The following FAM117B variants were observed in gnomAD, a reference collection of about 807,000 sequenced individuals.
FAM117B encodes protein FAM117B.
A neutral mutation model predicts 52.8 loss-of-function variants in FAM117B; 22 were observed. The observed-to-expected ratio is 0.42, with a 90% confidence interval of 0.30 to 0.59. The LOEUF (loss-of-function observed/expected upper bound fraction) is 0.59. Among genes scored for constraint, FAM117B ranks in the 20% least tolerant of loss-of-function variants. FAM117B has a pLI of 0.22. For synonymous variants in FAM117B, 309 were observed against 324.1 expected (o/e 0.95, Z 0.50); for missense variants, 678 against 802.6 (o/e 0.84, Z 1.88).
Position 202,726,318 on chromosome 2 carries a change from A to T in FAM117B, c.915A>T (p.Arg305Ser). The T allele has an allele frequency of 1.2e-6, 2 of 1,613,932 alleles. No homozygotes were observed. The highest frequency in any genetic ancestry group is 1.7e-6 in the Non-Finnish European group (2 of 1,179,954). ...GTCGGCATCATCGAGATAAAGAAAG[A>T]CAGTCTCCATTTCATGGCAACCATG... ...HSSRHHRDKE[R>S]QSPFHGNHAA... Residue 305 changes from arginine to serine, a missense_variant, in exon 4 of 8, where the codon AGA (arginine) becomes AGT (serine). By Grantham distance (110) the Arg-to-Ser change is moderately radical. Around this residue, in one of 3 missense-constraint regions of FAM117B, gnomAD observed 583 missense variants for 644.8 expected, o/e 0.90. Coordinates refer to ENST00000392238, the MANE Select transcript of FAM117B (RefSeq NM_173511.4).
At chr2:202,642,680 C>T (rs1448907693) in intron 1 of FAM117B, among the ~76,000 whole-genome samples, 1 of 152,142 alleles carries the variant, frequency 6.6e-6, no homozygotes, top group Non-Finnish European at 1.5e-5. Flanking sequence ...CTCAGGGATA[C>T]ACTTTGAACT....
intron 4 of FAM117B, among the ~76,000 whole-genome samples, chr2:202,727,297 G>C (rs1691259152): frequency 6.6e-6 from 1 of 152,150 alleles, no homozygotes; most frequent in South Asian, 2.1e-4. Context: ...GGCAAACTGT[G>C]GCCCGGGAGC....
At position 202,754,360 on chromosome 2, in the gene FAM117B, C is replaced by T. The variant is rs529707706; in HGVS notation, c.961-1178C>T. On this transcript the variant is annotated intron_variant, in intron 4 of 7. Coordinates refer to ENST00000392238, the MANE Select transcript of FAM117B (RefSeq NM_173511.4). ...TGGGCACATAGAGGGGAACACACAC[C>T]AGGGCCTGTTTGAGGTGGGAGGTGA... is the stretch of plus-strand genomic sequence containing the variant. 4.6e-5 allele frequency among the ~76,000 whole-genome samples: 7 copies of T among 152,146 alleles called. No homozygotes were observed. The South Asian group carries it at 1.2e-3, about 27-fold the overall frequency.
chr2:202,705,781 A>C (rs1436815020), intron 2 of FAM117B, among the ~76,000 whole-genome samples: 1 of 152,174 alleles, frequency 6.6e-6, no homozygotes, highest in Non-Finnish European at 1.5e-5. Flanking sequence ...AATTTGGTTT[A>C]AACTACCTGA....
At chr2:202,708,801 A>G (rs1690916191) in intron 2 of FAM117B, among the ~76,000 whole-genome samples, 1 of 152,036 alleles carries the variant, frequency 6.6e-6, no homozygotes. Flanking sequence ...ATGGAGTGTC[A>G]CTTTGTTGCC....
intron 1 of FAM117B, among the ~76,000 whole-genome samples, chr2:202,669,594 A>T (rs1004749031): frequency 2.0e-5 from 3 of 152,160 alleles, no homozygotes; most frequent in African/African-American, 7.2e-5. Flanking sequence ...CTATCATTTG[A>T]GATGTTTTTG....
chr2:202,722,723 C>A (rs1691174787), intron 2 of FAM117B, among the ~76,000 whole-genome samples: 1 of 152,006 alleles, frequency 6.6e-6, no homozygotes, highest in African/African-American at 2.4e-5. Context: ...CTAATGAGTA[C>A]TAGGCTTAGT....
intron 2 of FAM117B, among the ~76,000 whole-genome samples, chr2:202,710,576 ATTATT>A (rs1690943051): frequency 6.6e-6 from 1 of 152,128 alleles, no homozygotes; most frequent in Admixed American, 6.5e-5. Flanking sequence ...TTCCAGTGAT[ATTATT>A]TTACTTATTT....
chr2:202,740,595 A>C (rs1402303841), intron 4 of FAM117B, among the ~76,000 whole-genome samples: 2 of 152,122 alleles, frequency 1.3e-5, no homozygotes, highest in African/African-American at 4.8e-5. Flanking sequence ...TTACAGGAAA[A>C]TAGTGTGGAA....
intron 1 of FAM117B, among the ~76,000 whole-genome samples, chr2:202,650,886 G>C (rs1391407320): frequency 6.6e-6 from 1 of 152,092 alleles, no homozygotes; most frequent in Non-Finnish European, 1.5e-5. Flanking sequence ...CCCTGATTGA[G>C]GGTGGGTCTG....
chr2:202,692,053 T>C (rs1208230311), intron 1 of FAM117B, among the ~76,000 whole-genome samples: 1 of 152,174 alleles, frequency 6.6e-6, no homozygotes, highest in Admixed American at 6.5e-5. Flanking sequence ...GCTGTAACTA[T>C]TGTATTAGTG....
intron 1 of FAM117B, among the ~76,000 whole-genome samples, chr2:202,636,513 G>A (rs981095703): frequency 2.0e-5 from 3 of 152,168 alleles, no homozygotes; most frequent in Admixed American, 2.0e-4. Context: ...GCTAACATTC[G>A]TTGTTTTTCT....
At chr2:202,757,886 A>T (rs1010451242) in intron 6 of FAM117B, among the ~76,000 whole-genome samples, 3 of 152,228 alleles carry the variant, frequency 2.0e-5, no homozygotes, top group African/African-American at 7.2e-5. Context: ...TCAATGCAGG[A>T]TGAGTGTTTA....
intron 1 of FAM117B, among the ~76,000 whole-genome samples, chr2:202,689,453 G>A (rs1690590001): frequency 6.6e-6 from 1 of 151,890 alleles, no homozygotes; most frequent in Admixed American, 6.6e-5. Flanking sequence ...AAAAACAAAA[G>A]CAGTTAGCTC....
At chr2:202,641,947 C>CT (rs758973320) in intron 1 of FAM117B, among the ~76,000 whole-genome samples, 7,711 of 125,338 alleles carry the variant, frequency 0.062, 238 homozygotes, top group Middle Eastern at 0.12. Flanking sequence ...CAGATATTTT[C>CT]TTTTTTTTTT....
rs189478889 is a variant in FAM117B at position 202,698,000 on chromosome 2, G to A, written c.753+1968G>A. 9.0e-3 allele frequency among the ~76,000 whole-genome samples: 1,371 copies of A among 152,206 alleles called. 17 individuals carry two copies. Among genetic ancestry groups the A allele is most frequent in the Non-Finnish European group, 9.9e-3 (674 of 68,006 alleles). On this transcript the variant is annotated intron_variant, in intron 2 of 7. Transcript: ENST00000392238. ...TTCTCTTGCCTCAGCCTCCTGAGTA[G>A]GTGAGATTACAGGCACATGTCACTA...
At chr2:202,692,792 G>A (rs1190328834) in intron 1 of FAM117B, among the ~76,000 whole-genome samples, 7 of 152,100 alleles carry the variant, frequency 4.6e-5, no homozygotes, top group Admixed American at 3.3e-4. Context: ...GCAATGAGAG[G>A]GCCATATGAG....
At chr2:202,675,237 A>C (rs72928906) in intron 1 of FAM117B, among the ~76,000 whole-genome samples, 40,620 of 151,428 alleles carry the variant, frequency 0.27, 5,736 homozygotes, top group South Asian at 0.4. Flanking sequence ...TAAAAAAAAA[A>C]AACAACAACA....
At chr2:202,760,716 A>T (rs1203628535) in intron 7 of FAM117B, among the ~76,000 whole-genome samples, 1 of 152,124 alleles carries the variant, frequency 6.6e-6, no homozygotes, top group Non-Finnish European at 1.5e-5. Context: ...CTGTCTCTTC[A>T]TATTTGAATT....
Sources: allele counts gnomAD v4.1 joint callset (sites outside exome capture counted in the v4.1 genomes callset), GRCh38; gene constraint gnomAD v4.1.1; regional missense constraint gnomAD v4.1.1; transcripts MANE v1.5; gene names NCBI Gene and HGNC (gene_info 2026-07-23, HGNC 2026-07-21).